Variants in MIPOL1 observed in about 807,000 individuals in gnomAD.
MIPOL1 encodes the protein mirror-image polydactyly 1, also known as mirror-image polydactyly gene 1 protein.
Under a neutral mutation model 60.9 loss-of-function variants are expected in MIPOL1, and 57 were observed. The ratio of observed to expected loss-of-function variants is 0.94; its 90% CI spans 0.76 to 1.17. The LOEUF (loss-of-function observed/expected upper bound fraction) is 1.17, where lower values mean the gene tolerates loss of function less well. Ranked by LOEUF, MIPOL1 falls within the 50% of genes most tolerant of loss-of-function variation. The pLI is 0.00. For missense variants in MIPOL1, 551 were observed against 511.6 expected (o/e 1.08, Z -0.74); for synonymous variants, 179 against 168.8 (o/e 1.06, Z -0.47).
chr14:37,360,701 T>G (rs1210772550), intron 9 of MIPOL1, among the ~76,000 whole-genome samples: 1 of 152,188 alleles, frequency 6.6e-6, no homozygotes, highest in African/African-American at 2.4e-5. Context: ...GTTTGATTCT[T>G]CCCTCTTTTG....
intron 1 of MIPOL1, among the ~76,000 whole-genome samples, chr14:37,201,616 G>A (rs891029126): frequency 6.6e-6 from 1 of 152,116 alleles, no homozygotes; most frequent in African/African-American, 2.4e-5. Flanking sequence ...GATATAGGAC[G>A]TAATAGCCAT....
At chr14:37,463,073 T>A (rs1490364848) in intron 11 of MIPOL1, among the ~76,000 whole-genome samples, 3 of 152,204 alleles carry the variant, frequency 2.0e-5, no homozygotes, top group Non-Finnish European at 2.9e-5. Flanking sequence ...GACTGGGCAA[T>A]TTACAAAAGA....
At position 37,214,750 on chromosome 14, in the gene MIPOL1, C is replaced by T. The variant is rs117839106; in HGVS notation, c.-199+16646C>T. ...CCTCTGTCACGCCTGGACAGGGCTA[C>T]TAGAGGCCTCCTTGGTCTAGCAGTA... On this transcript the variant is annotated intron_variant, in intron 1 of 12. Transcript: ENST00000684589. Among the ~76,000 whole-genome samples the T allele has an allele frequency of 7.9e-3, 1,197 of 152,266 alleles. 7 individuals carry two copies. The highest frequency in any genetic ancestry group is 0.013 in the Non-Finnish European group (866 of 68,010).
intron 11 of MIPOL1, among the ~76,000 whole-genome samples, chr14:37,426,352 G>C (rs910691298): frequency 2.0e-5 from 3 of 151,446 alleles, no homozygotes; most frequent in Admixed American, 6.6e-5. Flanking sequence ...CAGATCACCT[G>C]AGGTCAGGAG....
In MIPOL1 at chr14:37,351,541, C is replaced by G. The variant is rs1429473814; in HGVS notation, c.829-17976C>G. ...GTCCCACCAACAGTGTAAAAGCGTT[C>G]CTATTTCTCCACATCCTCTCCAGCA... On this transcript the variant is annotated intron_variant, in intron 9 of 12. Transcript: ENST00000684589. 2.0e-5 allele frequency among the ~76,000 whole-genome samples: 3 copies of G among 150,042 alleles called. No homozygotes were observed. In the East Asian group the frequency reaches 6.0e-4, roughly 30 times the overall value.
intron 12 of MIPOL1, chr14:37,505,947 C>G (rs1165143641): frequency 8.8e-6 from 1 of 114,054 alleles, no homozygotes; most frequent in Non-Finnish European, 1.7e-5. Context: ...CACAGGCATT[C>G]CTATACACCA....
At chr14:37,529,897 T>C (rs2095469662) in intron 12 of MIPOL1, among the ~76,000 whole-genome samples, 1 of 152,174 alleles carries the variant, frequency 6.6e-6, no homozygotes, top group Non-Finnish European at 1.5e-5. Context: ...TGCAAATGCA[T>C]TTAGATTTCC....
intron 12 of MIPOL1, chr14:37,504,707 A>C (rs1247920415): frequency 6.6e-6 from 1 of 152,224 alleles, no homozygotes. Flanking sequence ...CTGAGAAGCA[A>C]GAGCAAACAA....
At chr14:37,364,545 A>G (rs12437318) in intron 9 of MIPOL1, among the ~76,000 whole-genome samples, 147,510 of 152,264 alleles carry the variant, frequency 0.97, 71,528 homozygotes, top group East Asian at 1. Context: ...GTAGGTGTGT[A>G]GATTTGTTTC....
chr14:37,395,780 A>G (rs1053668797), intron 10 of MIPOL1, among the ~76,000 whole-genome samples: 1 of 152,112 alleles, frequency 6.6e-6, no homozygotes, highest in African/African-American at 2.4e-5. Flanking sequence ...TCTGGCTAGG[A>G]CTTCCAGTAC....
At chr14:37,298,605 G>GA (rs1008490014) in intron 7 of MIPOL1, among the ~76,000 whole-genome samples, 1 of 151,646 alleles carries the variant, frequency 6.6e-6, no homozygotes, top group Non-Finnish European at 1.5e-5. Context: ...AAATTTACAA[G>GA]AAAAAAACAA....
intron 1 of MIPOL1, among the ~76,000 whole-genome samples, chr14:37,228,153 A>G (rs901120696): frequency 1.3e-5 from 2 of 152,060 alleles, no homozygotes; most frequent in African/African-American, 4.8e-5. Context: ...ACCTAAGGCA[A>G]CATCAGGGAC....
chr14:37,522,343 A>G (rs766095433), intron 12 of MIPOL1, among the ~76,000 whole-genome samples: 5 of 152,200 alleles, frequency 3.3e-5, no homozygotes, highest in Non-Finnish European at 5.9e-5. Context: ...AGTTTACCAT[A>G]TAACATAAAA....
intron 12 of MIPOL1, among the ~76,000 whole-genome samples, chr14:37,519,304 T>A (rs2095394824): frequency 6.6e-6 from 1 of 152,100 alleles, no homozygotes; most frequent in Non-Finnish European, 1.5e-5. Context: ...ATTATTAAAA[T>A]TTACTTTGGG....
intron 9 of MIPOL1, among the ~76,000 whole-genome samples, chr14:37,327,457 T>A (rs189955962): frequency 3.4e-4 from 52 of 152,170 alleles, no homozygotes; most frequent in African/African-American, 1.1e-3. Context: ...CCGGCTACTT[T>A]TTGATTTTTT....
At position 37,215,049 on chromosome 14, in the gene MIPOL1, T is replaced by C. The variant is rs146264663; in HGVS notation, c.-199+16945T>C. Among the ~76,000 whole-genome samples, 429 of 152,258 alleles carry C rather than the reference T, an allele frequency of 2.8e-3. 3 individuals carry two copies. Among genetic ancestry groups the C allele is most frequent in the African/African-American group, 0.01 (417 of 41,550 alleles). ...GCTTTCATGTTCCATCCTGTACACC[T>C]GGCTCTGCCTTCTAGATAGCAGTAG... is the stretch of plus-strand genomic sequence containing the variant. On this transcript the variant is annotated intron_variant, in intron 1 of 12. Coordinates refer to ENST00000684589, the MANE Select transcript of MIPOL1 (RefSeq NM_001388067.1).
At chr14:37,510,612 C>A (rs2095320750) in intron 12 of MIPOL1, among the ~76,000 whole-genome samples, 1 of 152,114 alleles carries the variant, frequency 6.6e-6, no homozygotes, top group African/African-American at 2.4e-5. Flanking sequence ...TGACTGTGTT[C>A]TATTCATCTT....
intron 12 of MIPOL1, among the ~76,000 whole-genome samples, chr14:37,513,401 C>T (rs1866332430): frequency 6.6e-6 from 1 of 152,008 alleles, no homozygotes; most frequent in South Asian, 2.1e-4. Context: ...TTGACAAGTA[C>T]ATAATTATAT....
At chr14:37,238,711 A>G (rs8007251) in intron 1 of MIPOL1, among the ~76,000 whole-genome samples, 67,588 of 151,250 alleles carry the variant, frequency 0.45, 17,449 homozygotes, top group African/African-American at 0.72. Context: ...AACACTTCGG[A>G]AGGTGGACTC....
Sources: allele counts gnomAD v4.1 joint callset (sites outside exome capture counted in the v4.1 genomes callset), GRCh38; gene constraint gnomAD v4.1.1; transcripts MANE v1.5; gene names NCBI Gene and HGNC (gene_info 2026-07-23, HGNC 2026-07-21).